SYNC: variants seen among roughly 807,000 people sequenced by gnomAD.
SYNC encodes syncoilin, intermediate filament protein.
Under a neutral mutation model 49.5 loss-of-function variants are expected in SYNC, and 38 were observed. The observed-to-expected ratio is 0.77, with a 90% confidence interval of 0.59 to 1.01. The LOEUF (loss-of-function observed/expected upper bound fraction) is 1.01, where lower values mean the gene tolerates loss of function less well. Among genes scored for constraint, SYNC ranks in the 50% least tolerant of loss-of-function variants. The pLI is 0.00. For synonymous variants in SYNC, 201 were observed against 230.8 expected (o/e 0.87, Z 1.17); for missense variants, 579 against 580.6 (o/e 1.00, Z 0.03).
intron 2 of SYNC, among the ~76,000 whole-genome samples, chr1:32,689,612 G>A (rs1271842270): frequency 6.6e-6 from 1 of 152,072 alleles, no homozygotes; most frequent in Non-Finnish European, 1.5e-5. Context: ...CGTTAAGAGT[G>A]GAGTGCAGCC....
At chr1:32,696,078 C>T (rs1357790525) in intron 1 of SYNC, 34 bp from the exon 2 acceptor site, 1 of 1,509,404 alleles carries the variant, frequency 6.6e-7, no homozygotes, top group Non-Finnish European at 8.9e-7. Flanking sequence ...GAAAGGGCAG[C>T]CACAATCCCA....
At chr1:32,693,185 C>T (rs1300187295) in intron 2 of SYNC, among the ~76,000 whole-genome samples, 3 of 151,340 alleles carry the variant, frequency 2.0e-5, no homozygotes, top group African/African-American at 7.3e-5. Flanking sequence ...CGGGTTCAAG[C>T]GATTCTCCTG....
intron 1 of SYNC, among the ~76,000 whole-genome samples, chr1:32,696,585 T>C (rs1005189586): frequency 1.3e-5 from 2 of 151,902 alleles, no homozygotes; most frequent in East Asian, 1.9e-4. Flanking sequence ...GCAGCTGGGA[T>C]TATAGGCACA....
At chr1:32,684,532 T>G (rs1649684134) in intron 2 of SYNC, 150 bp from the exon 3 acceptor site, 2 of 1,175,488 alleles carry the variant, frequency 1.7e-6, no homozygotes, top group African/African-American at 1.5e-5. Flanking sequence ...TGAAACAGGT[T>G]CAAAGAAGTT....
At chr1:32,682,106 T>C (rs540771442) in intron 4 of SYNC, 2 of 493,258 alleles carry the variant, frequency 4.1e-6, no homozygotes, top group East Asian at 7.0e-5. Flanking sequence ...TGAAATTCTG[T>C]AGTTTCATTT....
chr1:32,688,364 A>T (rs956662937), intron 2 of SYNC, among the ~76,000 whole-genome samples: 4 of 152,196 alleles, frequency 2.6e-5, no homozygotes, highest in Non-Finnish European at 5.9e-5. Flanking sequence ...TCAAGTACAT[A>T]CTAGCTATTG....
At position 32,680,246 on chromosome 1, in the gene SYNC, G is replaced by T. The variant is rs777880789; in HGVS notation, c.*1604C>A. 1.4e-5 allele frequency: 16 copies of T among 1,168,790 alleles called. No individual in the cohort carries two copies. The highest frequency in any genetic ancestry group is 1.6e-5 in the Non-Finnish European group (15 of 946,744). The allele number at this position is 1,168,790 out of a possible 1,614,324, so 72.4% of individuals were successfully genotyped here. On this transcript the variant is annotated 3_prime_UTR_variant, in exon 5 of 5. Coordinates refer to ENST00000409190, the MANE Select transcript of SYNC (RefSeq NM_030786.3). ...TTCTTCAGTTAAGTCAAAACAACAC[G>T]TTCCTCTTTCCCCATATATTCATAT...
At chr1:32,693,028 TAAAAA>T (rs1650238963) in intron 2 of SYNC, among the ~76,000 whole-genome samples, 1 of 149,630 alleles carries the variant, frequency 6.7e-6, no homozygotes, top group African/African-American at 2.4e-5. Context: ...AAGATAAAAA[TAAAAA>T]ACATTCAGTA....
At chr1:32,699,488 G>T (rs937694606) in intron 1 of SYNC, among the ~76,000 whole-genome samples, 1 of 151,836 alleles carries the variant, frequency 6.6e-6, no homozygotes. Flanking sequence ...AAAGACTACA[G>T]TCTCCATCCC....
rs541670272 is a variant in SYNC, at chr1:32,702,021, G to C, written c.53+587C>G. On this transcript the variant is annotated intron_variant, in intron 1 of 4. Coordinates refer to ENST00000409190, the MANE Select transcript of SYNC (RefSeq NM_030786.3). This position sits in a 1 kb window ranked among gnomAD's most constrained non-coding sequence, Gnocchi z 6.2. ...CTGGGAAGTCCCAGAGCCACAGTAT[G>C]ACCTGGGACAGAAATACACCTCACC... Among the ~76,000 whole-genome samples, 1 of 152,208 alleles carries C rather than the reference G, an allele frequency of 6.6e-6. No homozygotes were observed. Among genetic ancestry groups the C allele is most frequent in the Non-Finnish European group, 1.5e-5 (1 of 68,028 alleles).
At position 32,702,606 on chromosome 1, in the gene SYNC, A is replaced by T. The variant is rs2148566885; in HGVS notation, c.53+2T>A. On this transcript the variant is annotated splice_donor_variant, in intron 1 of 4. Coordinates refer to ENST00000409190, the MANE Select transcript of SYNC (RefSeq NM_030786.3). LOFTEE classifies it high-confidence loss of function. The surrounding 1 kb of genome is among the most constrained non-coding windows in gnomAD (Gnocchi z 6.2). ...GGCGACGCGGGCCCGGCACTGTCCT[A>T]CCTCGCGGCCTGGGCGGCGCCGTCC... 1 of 1,193,196 alleles carries T rather than the reference A, an allele frequency of 8.4e-7. No individual in the cohort carries two copies. The highest frequency in any genetic ancestry group is 1.6e-5 in the African/African-American group (1 of 62,242). 73.9% of individuals were successfully genotyped at this position (1,193,196 alleles called of 1,614,324 possible).
At chr1:32,681,991 G>A in intron 4 of SYNC, 131 bp from the exon 5 acceptor site, 1 of 759,026 alleles carries the variant, frequency 1.3e-6, no homozygotes. Flanking sequence ...GCAAATATTT[G>A]GATGCCTCCT....
At chr1:32,692,481 G>C (rs987927821) in intron 2 of SYNC, among the ~76,000 whole-genome samples, 3 of 152,248 alleles carry the variant, frequency 2.0e-5, no homozygotes, top group Non-Finnish European at 4.4e-5. Context: ...GGGTGTGGTG[G>C]CTTACGCCTG....
Position 32,695,413 on chromosome 1 carries a change from C to G in SYNC, c.685G>C (p.Glu229Gln), listed in dbSNP as rs949514571. Residue 229 changes from glutamate to glutamine, a missense_variant, in exon 2 of 5, where the codon GAG (glutamate) becomes CAG (glutamine). By Grantham distance (29) the Glu-to-Gln change is conservative. Coordinates refer to ENST00000409190, the MANE Select transcript of SYNC (RefSeq NM_030786.3). ...LAAYKLHAQA[E>Q]LERDGLREEI... Reference sequence around the variant, plus strand: ...TCCCTTAGGCCATCTCTCTCCAGCTCTGCTTGGGCATGGAGCTTGTAGGCA... The same window carrying G: ...TCCCTTAGGCCATCTCTCTCCAGCTGTGCTTGGGCATGGAGCTTGTAGGCA... The G allele has an allele frequency of 6.4e-7, 1 of 1,551,796 alleles. No individual in the cohort carries two copies. Among genetic ancestry groups the G allele is most frequent in the East Asian group, 2.4e-5 (1 of 40,844 alleles).
In SYNC at chr1:32,689,499, A is replaced by G. The variant is rs75544685; in HGVS notation, c.1234-5117T>C. 5.8e-3 allele frequency among the ~76,000 whole-genome samples: 887 copies of G among 151,628 alleles called. 13 individuals are homozygous for G. The highest frequency in any genetic ancestry group is 0.02 in the African/African-American group (834 of 41,402). On this transcript the variant is annotated intron_variant, in intron 2 of 4. Coordinates refer to ENST00000409190, the MANE Select transcript of SYNC (RefSeq NM_030786.3). ...TGTGATCCACTGCGCCCGGCCACAC[A>G]TACTATTTCTAATTGCTATTGCCAG... is the stretch of plus-strand genomic sequence containing the variant.
intron 1 of SYNC, among the ~76,000 whole-genome samples, chr1:32,697,805 A>G (rs1177503163): frequency 1.3e-5 from 2 of 151,698 alleles, no homozygotes; most frequent in African/African-American, 4.8e-5. Context: ...TGCCCTCTTC[A>G]TTTGTGTCAT....
Position 32,702,749 on chromosome 1 carries a change from G to A in SYNC, c.-89C>T. 2 of 1,031,076 alleles carry A rather than the reference G, an allele frequency of 1.9e-6. No homozygotes were observed. Among genetic ancestry groups the A allele is most frequent in the Non-Finnish European group, 2.4e-6 (2 of 849,630 alleles). 63.9% of individuals were successfully genotyped at this position (1,031,076 alleles called of 1,614,324 possible). On this transcript the variant is annotated 5_prime_UTR_variant, in exon 1 of 5. Coordinates refer to ENST00000409190, the MANE Select transcript of SYNC (RefSeq NM_030786.3). This position sits in a 1 kb window ranked among gnomAD's most constrained non-coding sequence, Gnocchi z 6.2. ...GGCGCCCGCGCCCGCCGCACTGCCA[G>A]CTGCAACCGACACCGGATCCCGGCC...
intron 2 of SYNC, among the ~76,000 whole-genome samples, chr1:32,691,288 G>A (rs990011047): frequency 6.6e-6 from 1 of 151,002 alleles, no homozygotes; most frequent in African/African-American, 2.4e-5. Flanking sequence ...CCAGCTACTC[G>A]GGAGGCTGAG....
At chr1:32,693,275 G>A (rs1650255934) in intron 2 of SYNC, among the ~76,000 whole-genome samples, 1 of 152,116 alleles carries the variant, frequency 6.6e-6, no homozygotes, top group African/African-American at 2.4e-5. Flanking sequence ...TAGAGACGGG[G>A]TTTCACCATA....
Sources: gnomAD v4.1 joint callset for allele counts (sites outside exome capture counted in the v4.1 genomes callset) on GRCh38, gnomAD v4.1.1 for gene constraint, Gnocchi (gnomAD v3.1) non-coding constraint, MANE v1.5 for transcripts, NCBI Gene and HGNC (gene_info 2026-07-23, HGNC 2026-07-21) for gene names.